Variants in MED13 observed in about 807,000 individuals in gnomAD.
MED13 encodes the protein mediator complex subunit 13.
In MED13, 23 loss-of-function variants were observed where a neutral mutation model predicts 225.2. The observed-to-expected ratio is 0.10, with a 90% confidence interval of 0.07 to 0.14. The LOEUF (loss-of-function observed/expected upper bound fraction) is 0.14, where lower values mean the gene tolerates loss of function less well. Ranked by LOEUF, MED13 falls within the 10% of genes least tolerant of loss-of-function variation. The pLI is 1.00. For missense variants in MED13, 2,197 were observed against 2,594.5 expected (o/e 0.85, Z 3.33); for synonymous variants, 942 against 889.2 (o/e 1.06, Z -1.06).
intron 8 of MED13, among the ~76,000 whole-genome samples, chr17:62,017,179 T>C (rs556913239): frequency 2.0e-5 from 3 of 150,200 alleles, no homozygotes; most frequent in African/African-American, 7.3e-5. Flanking sequence ...TTGTCCATGT[T>C]TGAAGTTTCT....
intron 5 of MED13, among the ~76,000 whole-genome samples, chr17:62,033,057 C>T (rs986479725): frequency 1.3e-5 from 2 of 151,778 alleles, no homozygotes; most frequent in Non-Finnish European, 1.5e-5. Flanking sequence ...GACTGAGGCA[C>T]GAAAAGCGCT....
chr17:61,977,764 T>C (rs775428559), intron 16 of MED13, among the ~76,000 whole-genome samples: 1 of 152,052 alleles, frequency 6.6e-6, no homozygotes, highest in Non-Finnish European at 1.5e-5. Flanking sequence ...TTGTTTTTAA[T>C]ACTGAAAATT....
chr17:62,041,655 C>A (rs905058400), intron 3 of MED13, among the ~76,000 whole-genome samples: 20 of 152,084 alleles, frequency 1.3e-4, no homozygotes, highest in Non-Finnish European at 2.4e-4. Flanking sequence ...GAATTCACTG[C>A]AGCTTCCACC....
intron 23 of MED13, 69 bp downstream of exon 23, chr17:61,960,798 C>T: frequency 3.5e-6 from 4 of 1,141,448 alleles, no homozygotes; most frequent in Non-Finnish European, 5.0e-6. Context: ...AACTGGTTTT[C>T]TATTCATTAA....
chr17:62,033,759 C>T (rs575170258), intron 5 of MED13, 28 bp downstream of exon 5: 1 of 1,602,268 alleles, frequency 6.2e-7, no homozygotes, highest in African/African-American at 1.3e-5. Context: ...TGCATTTTCC[C>T]CTTAGGAATA....
chr17:62,043,386 A>G (rs1226744886), intron 3 of MED13, among the ~76,000 whole-genome samples: 1 of 152,122 alleles, frequency 6.6e-6, no homozygotes, highest in Non-Finnish European at 1.5e-5. Context: ...AGGACAAAAC[A>G]TTATAGACAG....
intron 8 of MED13, among the ~76,000 whole-genome samples, chr17:62,020,833 C>G (rs201139061): frequency 6.6e-5 from 10 of 151,086 alleles, no homozygotes; most frequent in African/African-American, 2.0e-4. Context: ...GAGGACCCTG[C>G]GGCCTTCCTC....
rs557351123 is a variant in MED13 at position 62,043,370 on chromosome 17, A to C, written c.471-7762T>G. On this transcript the variant is annotated intron_variant, in intron 3 of 29. Transcript: ENST00000397786. ...TGATACATAATAATCTTGATGACAGACATTAAGGACAAAACATTATAGACA... is the reference window on the plus strand; with the variant it reads ...TGATACATAATAATCTTGATGACAGCCATTAAGGACAAAACATTATAGACA... Among the ~76,000 whole-genome samples the C allele has an allele frequency of 1.3e-3, 199 of 152,218 alleles. 1 individual carries two copies. Among genetic ancestry groups the C allele is most frequent in the Non-Finnish European group, 2.2e-3 (148 of 68,012 alleles).
intron 3 of MED13, among the ~76,000 whole-genome samples, chr17:62,051,892 T>C (rs1428351844): frequency 6.6e-6 from 1 of 152,204 alleles, no homozygotes; most frequent in Non-Finnish European, 1.5e-5. Context: ...TGCCTTATAT[T>C]ATCTAAATCA....
chr17:62,050,581 G>A (rs763860153), intron 3 of MED13, among the ~76,000 whole-genome samples: 5 of 151,804 alleles, frequency 3.3e-5, no homozygotes, highest in Non-Finnish European at 7.4e-5. Context: ...TTTTTAAACA[G>A]GTAACTTAAA....
intron 11 of MED13, among the ~76,000 whole-genome samples, chr17:61,989,639 A>G (rs747739428): frequency 6.6e-6 from 1 of 152,132 alleles, no homozygotes; most frequent in African/African-American, 2.4e-5. Context: ...CACCTGGCCT[A>G]TTTATTGTTT....
At chr17:62,033,625 C>G (rs1336520502) in intron 5 of MED13, among the ~76,000 whole-genome samples, 162 bp downstream of exon 5, 1 of 152,192 alleles carries the variant, frequency 6.6e-6, no homozygotes, top group African/African-American at 2.4e-5. Context: ...GGAGCCAAAC[C>G]AGCTAAGATG....
intron 9 of MED13, among the ~76,000 whole-genome samples, chr17:62,008,079 A>G (rs1316220145): frequency 6.8e-6 from 1 of 147,576 alleles, no homozygotes; most frequent in Admixed American, 6.8e-5. Context: ...GCACTTTGGG[A>G]GGCCGGGGCG....
At chr17:62,042,560 CAAAAAAAAAAAA>C (rs377646442) in intron 3 of MED13, among the ~76,000 whole-genome samples, 1 of 60,302 alleles carries the variant, frequency 1.7e-5, no homozygotes, top group Admixed American at 1.9e-4. Context: ...GGTTTCATCT[CAAAAAAAAAAAA>C]AAAAAAAACC....
At chr17:62,053,238 C>A (rs1264776022) in intron 2 of MED13, among the ~76,000 whole-genome samples, 2 of 152,162 alleles carry the variant, frequency 1.3e-5, no homozygotes, top group African/African-American at 4.8e-5. Context: ...GCCTAACAAG[C>A]GGTGCACTAT....
At chr17:62,056,900 CTATT>C (rs1261507790) in intron 2 of MED13, among the ~76,000 whole-genome samples, 1 of 152,084 alleles carries the variant, frequency 6.6e-6, no homozygotes, top group African/African-American at 2.4e-5. Flanking sequence ...TTTTTATGGA[CTATT>C]TATTGGAAGA....
chr17:62,006,377 G>A (rs780727012), intron 9 of MED13: 1 of 151,464 alleles, frequency 6.6e-6, no homozygotes, highest in Non-Finnish European at 1.5e-5. Flanking sequence ...GGGACAACAA[G>A]AAAGATTCCT....
intron 16 of MED13, among the ~76,000 whole-genome samples, 183 bp from the exon 17 acceptor site, chr17:61,973,071 GA>G (rs752628406): frequency 6.6e-6 from 1 of 152,298 alleles, no homozygotes; most frequent in East Asian, 1.9e-4. Context: ...GGTTCTTCTA[GA>G]TTCTTACAAC....
intron 21 of MED13, among the ~76,000 whole-genome samples, chr17:61,962,357 C>T (rs1320722687): frequency 6.6e-6 from 1 of 152,070 alleles, no homozygotes; most frequent in Non-Finnish European, 1.5e-5. Context: ...ATTGACTAGT[C>T]CTGTTGAAGT....
Sources: allele counts gnomAD v4.1 joint callset (sites outside exome capture counted in the v4.1 genomes callset), GRCh38; gene constraint gnomAD v4.1.1; transcripts MANE v1.5; gene names NCBI Gene and HGNC (gene_info 2026-07-23, HGNC 2026-07-21).